Variants in SLC25A12 observed in about 807,000 individuals in gnomAD.
SLC25A12 encodes the protein solute carrier family 25 member 12, also known as electrogenic aspartate/glutamate antiporter SLC25A12, mitochondrial.
In SLC25A12, 32 loss-of-function variants were observed where a neutral mutation model predicts 83.3. That is an observed-to-expected ratio of 0.38 (90% confidence interval 0.29 to 0.52). SLC25A12 has a LOEUF of 0.52. Ranked by LOEUF, SLC25A12 falls within the 20% of genes least tolerant of loss-of-function variation. The pLI, the probability that SLC25A12 is intolerant of heterozygous loss-of-function variation, is 0.84. For missense variants in SLC25A12, 611 were observed against 835.6 expected (o/e 0.73, Z 3.31); for synonymous variants, 267 against 291.1 (o/e 0.92, Z 0.84).
chr2:171,862,994 G>C (rs1459364274), intron 3 of SLC25A12, among the ~76,000 whole-genome samples: 1 of 152,098 alleles, frequency 6.6e-6, no homozygotes, highest in African/African-American at 2.4e-5. Context: ...CAAACACTTG[G>C]GCTCAAACAA....
chr2:171,852,357 A>T (rs1017030693), intron 4 of SLC25A12, among the ~76,000 whole-genome samples: 3 of 152,184 alleles, frequency 2.0e-5, no homozygotes, highest in Non-Finnish European at 2.9e-5. Context: ...AATCATATCT[A>T]AAAAAAGCAT....
chr2:171,861,568 G>A (rs1051664220), intron 3 of SLC25A12, among the ~76,000 whole-genome samples: 1 of 151,982 alleles, frequency 6.6e-6, no homozygotes, highest in Non-Finnish European at 1.5e-5. Context: ...CAGGATGCTC[G>A]GTTAATTTTT....
At chr2:171,796,314 C>T (rs546450608) in intron 13 of SLC25A12, among the ~76,000 whole-genome samples, 1 of 152,342 alleles carries the variant, frequency 6.6e-6, no homozygotes. Context: ...ACCTAGCACA[C>T]ATACCAAATC....
chr2:171,860,454 T>G (rs765600220), intron 3 of SLC25A12, among the ~76,000 whole-genome samples: 11 of 151,900 alleles, frequency 7.2e-5, no homozygotes, highest in Non-Finnish European at 1.3e-4. Context: ...CAAAAAAAAT[T>G]AGCCTGGCAT....
chr2:171,788,160 T>A, intron 15 of SLC25A12: 4 of 549,730 alleles, frequency 7.3e-6, no homozygotes, highest in African/African-American at 5.7e-5. Flanking sequence ...TTTTCCTGAA[T>A]TAAAAAAAAA....
chr2:171,819,377 T>TATA (rs1558918494), intron 9 of SLC25A12, among the ~76,000 whole-genome samples: 2 of 39,790 alleles, frequency 5.0e-5, no homozygotes, highest in African/African-American at 1.1e-4. Flanking sequence ...TATAATATAT[T>TATA]ATATATAATA....
intron 2 of SLC25A12, among the ~76,000 whole-genome samples, chr2:171,887,820 T>C (rs1174986079): frequency 1.3e-5 from 2 of 152,182 alleles, no homozygotes; most frequent in Non-Finnish European, 2.9e-5. Context: ...TGTACTCCAA[T>C]TTCATGAACT....
chr2:171,804,606 A>C (rs980767778), intron 13 of SLC25A12, among the ~76,000 whole-genome samples: 1 of 152,176 alleles, frequency 6.6e-6, no homozygotes, highest in Non-Finnish European at 1.5e-5. Context: ...GTAAAAACAG[A>C]AAGTATATTA....
intron 3 of SLC25A12, among the ~76,000 whole-genome samples, chr2:171,863,177 A>C (rs1685202193): frequency 6.6e-6 from 1 of 152,198 alleles, no homozygotes; most frequent in African/African-American, 2.4e-5. Flanking sequence ...TGCTGAGATT[A>C]CAGGTGTGAG....
At position 171,894,208 on chromosome 2, in the gene SLC25A12, C is replaced by T. The variant is rs769545575; in HGVS notation, c.7G>A (p.Val3Ile). The change falls in exon 1 of 18, where the codon GTC becomes ATC. Residue 3 changes from valine to isoleucine, a missense_variant. By Grantham distance (29) the Val-to-Ile change is conservative. Transcript: ENST00000422440. MA[V>I]KVQTTKRGDP... Reference sequence around the variant, plus strand: ...CAGCAGAGAGTTGGAGTCACCTTGACCGCCATGCTGTGCTCGGAAGCCGGG... The same window carrying T: ...CAGCAGAGAGTTGGAGTCACCTTGATCGCCATGCTGTGCTCGGAAGCCGGG... 157 of 1,609,086 alleles carry T rather than the reference C, an allele frequency of 9.8e-5. No homozygotes were observed. The highest frequency in any genetic ancestry group is 1.3e-4 in the Non-Finnish European group (155 of 1,177,900).
chr2:171,786,601 G>A (rs1285585087), intron 17 of SLC25A12, among the ~76,000 whole-genome samples: 1 of 152,088 alleles, frequency 6.6e-6, no homozygotes, highest in Non-Finnish European at 1.5e-5. Flanking sequence ...CTGATGTGAG[G>A]ACTCAGGAAT....
chr2:171,865,080 T>C (rs1461457893), intron 3 of SLC25A12, among the ~76,000 whole-genome samples: 1 of 152,168 alleles, frequency 6.6e-6, no homozygotes, highest in Non-Finnish European at 1.5e-5. Flanking sequence ...ATAATTCACT[T>C]TTTTATTATC....
chr2:171,838,197 T>C (rs1474443847), intron 5 of SLC25A12, among the ~76,000 whole-genome samples: 1 of 152,226 alleles, frequency 6.6e-6, no homozygotes, highest in African/African-American at 2.4e-5. Context: ...TAATTTTCAT[T>C]CACATTTACT....
chr2:171,867,422 G>A (rs1685356271), intron 3 of SLC25A12, among the ~76,000 whole-genome samples: 1 of 152,198 alleles, frequency 6.6e-6, no homozygotes, highest in Non-Finnish European at 1.5e-5. Context: ...CTCGCGGTTA[G>A]GAGCTGGAGA....
intron 2 of SLC25A12, among the ~76,000 whole-genome samples, chr2:171,888,251 C>T (rs1685863749): frequency 6.6e-6 from 1 of 151,592 alleles, no homozygotes; most frequent in South Asian, 2.1e-4. Flanking sequence ...TGTACCACCG[C>T]ACCCAGCTAA....
chr2:171,845,814 A>AT (rs1202218693), intron 4 of SLC25A12: 2 of 455,476 alleles, frequency 4.4e-6, no homozygotes, highest in East Asian at 1.4e-4. Flanking sequence ...GGGAGATGGG[A>AT]TTCTCATCTT....
In SLC25A12 at chr2:171,826,849, G is replaced by C; in HGVS notation, c.879C>G (p.Ala293=). 2 of 1,610,858 alleles carry C rather than the reference G, an allele frequency of 1.2e-6. No homozygotes were observed. Among genetic ancestry groups the C allele is most frequent in the Non-Finnish European group, 1.7e-6 (2 of 1,177,482 alleles). The change falls in exon 9 of 18, where the codon GCC becomes GCG. Residue 293 remains alanine, a synonymous_variant. Coordinates refer to ENST00000422440, the MANE Select transcript of SLC25A12 (RefSeq NM_003705.5). ...RLTLADIERI[A]PLAEGALPYN... Reference sequence around the variant, plus strand: ...AAGGTAAGGCCCCCTCAGCCAATGGGGCTATTCTCTCAATATCTGCCAAAG... The same window carrying C: ...AAGGTAAGGCCCCCTCAGCCAATGGCGCTATTCTCTCAATATCTGCCAAAG...
At chr2:171,859,136 T>C (rs916545280) in intron 3 of SLC25A12, among the ~76,000 whole-genome samples, 8 of 152,182 alleles carry the variant, frequency 5.3e-5, no homozygotes, top group Non-Finnish European at 1.0e-4. Context: ...AAAGCTATAG[T>C]TGAAAACCAG....
intron 2 of SLC25A12, among the ~76,000 whole-genome samples, chr2:171,882,097 C>A (rs557372339): frequency 3.9e-5 from 6 of 152,274 alleles, no homozygotes; most frequent in African/African-American, 1.4e-4. Context: ...AATCTCTTGC[C>A]ATCTCTGTCT....
Sources: gnomAD v4.1 joint callset for allele counts (sites outside exome capture counted in the v4.1 genomes callset) on GRCh38, gnomAD v4.1.1 for gene constraint, MANE v1.5 for transcripts, NCBI Gene and HGNC (gene_info 2026-07-23, HGNC 2026-07-21) for gene names.